Variants in RBFOX1 observed in about 807,000 individuals in gnomAD.
RBFOX1 encodes RNA binding fox-1 homolog 1.
A neutral mutation model predicts 57.7 loss-of-function variants in RBFOX1; 8 were observed. That is an observed-to-expected ratio of 0.14 (90% confidence interval 0.08 to 0.25). RBFOX1 has a LOEUF of 0.25. RBFOX1 is among the 10% of genes least tolerant of loss of function. The pLI is 1.00. For synonymous variants in RBFOX1, 326 were observed against 222.4 expected (o/e 1.47, Z -4.15); for missense variants, 611 against 548.5 (o/e 1.11, Z -1.14).
intron 4 of RBFOX1, among the ~76,000 whole-genome samples, chr16:7,332,361 C>G (rs1331019285): frequency 6.6e-6 from 1 of 152,176 alleles, no homozygotes; most frequent in Non-Finnish European, 1.5e-5. Flanking sequence ...CAAATACAAG[C>G]TGGCTGGTAG....
At chr16:5,427,353 G>A (rs2067593231) in intron 1 of RBFOX1, among the ~76,000 whole-genome samples, 1 of 152,338 alleles carries the variant, frequency 6.6e-6, no homozygotes, top group Non-Finnish European at 1.5e-5. Context: ...AGGAGGCAGA[G>A]GTGGGTGGAT....
In RBFOX1 at chr16:6,760,150, A is replaced by G. The variant is rs2076400745; in HGVS notation, c.-16+105500A>G. Among the ~76,000 whole-genome samples the G allele has an allele frequency of 2.6e-5, 4 of 152,214 alleles. No homozygotes were observed. The South Asian group carries it at 8.3e-4, about 32-fold the overall frequency. On this transcript the variant is annotated intron_variant, in intron 3 of 15. Transcript: ENST00000550418. ...ATGTTTTCTTAAGAAAAAAAAATGT[A>G]CGTACACAAAGATAAGCATCGCTAT...
intron 4 of RBFOX1, among the ~76,000 whole-genome samples, chr16:7,504,766 TA>T (rs1418494438): frequency 7.5e-4 from 9 of 12,026 alleles, no homozygotes; most frequent in Non-Finnish European, 1.8e-3. Flanking sequence ...TATATATATA[TA>T]TATTTATATA....
intron 2 of RBFOX1, among the ~76,000 whole-genome samples, chr16:5,497,070 C>G (rs533900028): frequency 1.3e-5 from 2 of 152,206 alleles, no homozygotes; most frequent in African/African-American, 2.4e-5. Context: ...TTTATCCAGA[C>G]AATGCTCCTT....
chr16:7,195,090 G>C (rs1190574376), intron 4 of RBFOX1, among the ~76,000 whole-genome samples: 1 of 151,952 alleles, frequency 6.6e-6, no homozygotes, highest in Non-Finnish European at 1.5e-5. Flanking sequence ...TTTTAATAAA[G>C]AGCTCTTCAG....
In RBFOX1 at chr16:6,126,377, T is replaced by C. The variant is rs191373774; in HGVS notation, c.-127+106385T>C. On this transcript the variant is annotated intron_variant, in intron 1 of 15. Coordinates refer to ENST00000550418, the MANE Select transcript of RBFOX1 (RefSeq NM_018723.4). ...CATCATAGCTAATAGTGGCCATGCA[T>C]TGAATGCGCACTATGTGCCAAGTCT... 2.2e-3 allele frequency among the ~76,000 whole-genome samples: 333 copies of C among 152,338 alleles called. 2 individuals carry two copies. The highest frequency in any genetic ancestry group is 7.5e-3 in the African/African-American group (312 of 41,572).
At chr16:6,899,438 T>C (rs2067901581) in intron 3 of RBFOX1, among the ~76,000 whole-genome samples, 1 of 152,206 alleles carries the variant, frequency 6.6e-6, no homozygotes, top group Admixed American at 6.5e-5. Context: ...TTTACATTTT[T>C]AGTTGGTTGT....
At chr16:6,963,101 G>A (rs2083365075) in intron 3 of RBFOX1, among the ~76,000 whole-genome samples, 1 of 152,090 alleles carries the variant, frequency 6.6e-6, no homozygotes, top group Non-Finnish European at 1.5e-5. Flanking sequence ...CCTTTACTGA[G>A]GAAGTCCGAG....
At chr16:7,126,898 A>C (rs1203130806) in intron 4 of RBFOX1, among the ~76,000 whole-genome samples, 2 of 151,626 alleles carry the variant, frequency 1.3e-5, no homozygotes, top group African/African-American at 4.9e-5. Flanking sequence ...AATCCCAGCT[A>C]CTTGGGAGGC....
At chr16:7,167,743 A>G (rs1056905623) in intron 4 of RBFOX1, among the ~76,000 whole-genome samples, 1 of 152,182 alleles carries the variant, frequency 6.6e-6, no homozygotes, top group Admixed American at 6.5e-5. Context: ...ATTGACAGAA[A>G]CACAGCCTTA....
intron 3 of RBFOX1, among the ~76,000 whole-genome samples, chr16:6,689,857 T>C (rs1449955229): frequency 6.6e-6 from 1 of 152,170 alleles, no homozygotes; most frequent in African/African-American, 2.4e-5. Context: ...GCAAAGACAT[T>C]TGTCTCTGAA....
chr16:6,270,629 A>G (rs1306590913), intron 1 of RBFOX1, among the ~76,000 whole-genome samples: 1 of 152,190 alleles, frequency 6.6e-6, no homozygotes, highest in East Asian at 1.9e-4. Context: ...GAATATCACA[A>G]TTATAGTCAG....
At chr16:6,175,138 G>T (rs2096993963) in intron 1 of RBFOX1, among the ~76,000 whole-genome samples, 1 of 152,162 alleles carries the variant, frequency 6.6e-6, no homozygotes, top group African/African-American at 2.4e-5. Context: ...GCTTGTTAAA[G>T]GCTTACTGTG....
intron 1 of RBFOX1, among the ~76,000 whole-genome samples, chr16:6,200,402 A>G (rs1416821095): frequency 1.3e-5 from 2 of 151,890 alleles, no homozygotes; most frequent in African/African-American, 2.4e-5. Flanking sequence ...GAGAGAGAGA[A>G]AGAGAGAAAT....
At chr16:6,440,541 C>T (rs1279397688) in intron 2 of RBFOX1, among the ~76,000 whole-genome samples, 2 of 152,194 alleles carry the variant, frequency 1.3e-5, no homozygotes, top group East Asian at 1.9e-4. Context: ...GTGGCACATG[C>T]CTGTAATCCC....
rs539586699 is a variant in RBFOX1 at position 6,932,540 on chromosome 16, C to T, written c.-15-119517C>T. 7.2e-5 allele frequency among the ~76,000 whole-genome samples: 11 copies of T among 152,274 alleles called. No homozygotes were observed. In the South Asian group the frequency reaches 2.3e-3, roughly 32 times the overall value. On this transcript the variant is annotated intron_variant, in intron 3 of 15. Coordinates refer to ENST00000550418, the MANE Select transcript of RBFOX1 (RefSeq NM_018723.4). ...TAGGAGGATCTGCTTCCAAGTGTCT[C>T]ACCTATATGGTAGGTGAGTTAGTGC...
At chr16:6,746,195 A>C (rs895729924) in intron 3 of RBFOX1, among the ~76,000 whole-genome samples, 3 of 152,092 alleles carry the variant, frequency 2.0e-5, no homozygotes, top group Admixed American at 2.0e-4. Flanking sequence ...CCCCTAATTG[A>C]TCTGTAGATT....
intron 2 of RBFOX1, among the ~76,000 whole-genome samples, chr16:6,554,795 CACACACAGAT>C (rs2097065280): frequency 6.7e-6 from 1 of 149,716 alleles, no homozygotes; most frequent in East Asian, 2.0e-4. Context: ...CACACACAGA[CACACACAGAT>C]AAACACACAG....
chr16:5,897,834 C>CTTTT (rs59833852), intron 4 of RBFOX1, among the ~76,000 whole-genome samples: 1 of 140,590 alleles, frequency 7.1e-6, no homozygotes, highest in Non-Finnish European at 1.5e-5. Flanking sequence ...TTTAACTTCT[C>CTTTT]TTTTTTTTTT....
Sources: gnomAD v4.1 joint callset for allele counts (sites outside exome capture counted in the v4.1 genomes callset) on GRCh38, gnomAD v4.1.1 for gene constraint, MANE v1.5 for transcripts, NCBI Gene and HGNC (gene_info 2026-07-23, HGNC 2026-07-21) for gene names.